Variants in GPBAR1 observed in about 807,000 individuals in gnomAD.
GPBAR1 encodes G-protein coupled bile acid receptor 1.
GPBAR1 carries 13 observed loss-of-function variants against 13.0 expected under a neutral mutation model. The ratio of observed to expected loss-of-function variants is 1.00; its 90% confidence interval spans 0.65 to 1.59. The LOEUF is 1.59. Ranked by LOEUF, GPBAR1 falls within the 40% of genes most tolerant of loss-of-function variation. The probability of loss-of-function intolerance (pLI) is 0.00; values close to 1 mark genes in which losing one functional copy is unlikely to be tolerated. For missense variants in GPBAR1, 398 were observed against 436.4 expected, an observed-to-expected ratio of 0.91 and a Z score of 0.78; for synonymous variants, 193 against 205.2, an observed-to-expected ratio of 0.94 and a Z score of 0.51.
chr2:218,259,784 C>T (rs112666439), upstream of GPBAR1: 2 of 152,372 alleles, frequency 1.3e-5, no homozygotes, highest in African/African-American at 4.8e-5. Context: ...GTCTCACCCC[C>T]AGTCCCAGCT....
chr2:218,263,609 C>T lies in GPBAR1; in HGVS notation c.885C>T (p.Ala295=). The T allele has an allele frequency of 1.2e-6, 2 of 1,612,848 alleles. No individual in the cohort carries two copies. The highest frequency in any genetic ancestry group is 1.7e-6 in the Non-Finnish European group (2 of 1,179,874). Reference sequence around the variant, plus strand: ...ACACAGCCCCCTGGAGGGCAGCCGCCCAAAGGTGCCTGCAGGGGCTGTGGG... The same window carrying T: ...ACACAGCCCCCTGGAGGGCAGCCGCTCAAAGGTGCCTGCAGGGGCTGTGGG... ...QRYTAPWRAA[A]QRCLQGLWGR... The change falls in exon 2 of 2, where the codon GCC becomes GCT. Residue 295 remains alanine, a synonymous_variant. Transcript: ENST00000519574. The surrounding 1 kb of genome is among the most constrained non-coding windows in gnomAD (Gnocchi z 4.2).
chr2:218,259,522 A>C (rs1690361880), upstream of GPBAR1: 1 of 152,464 alleles, frequency 6.6e-6, no homozygotes, highest in Non-Finnish European at 1.5e-5. Flanking sequence ...GGTTCTGAGG[A>C]CCGGCCCTGG....
rs1269304237 is a variant in GPBAR1, at chr2:218,262,651, A to G, written c.-45-29A>G. On this transcript the variant is annotated intron_variant, in intron 1 of 1. Coordinates refer to ENST00000519574, the MANE Select transcript of GPBAR1 (RefSeq NM_170699.3). This position sits in a 1 kb window ranked among gnomAD's most constrained non-coding sequence, Gnocchi z 5.1. ...CCAGGAGGACACGACCTGCAGCCCC[A>G]TCCTAACTCTGGCCACCCCATCCTG... The G allele has an allele frequency of 7.0e-7, 1 of 1,437,164 alleles. No individual in the cohort carries two copies. The highest frequency in any genetic ancestry group is 2.5e-5 in the East Asian group (1 of 40,502). 89.0% of individuals were successfully genotyped at this position (1,437,164 alleles called of 1,614,324 possible).
chr2:218,262,920 CTGGCAT>C lies in GPBAR1; in HGVS notation c.199_204del (p.Ala67_Leu68del), dbSNP rs753215679. The C allele has an allele frequency of 2.5e-6, 4 of 1,613,834 alleles. No homozygotes were observed. In the South Asian group the frequency reaches 4.4e-5, roughly 18 times the overall value. On this transcript the variant is annotated inframe_deletion, in exon 2 of 2. Transcript: ENST00000519574. The surrounding 1 kb of genome is among the most constrained non-coding windows in gnomAD (Gnocchi z 5.1). ...ACTGCTGGCTGGGCTGCTCACGGGT[CTGGCAT>C]TGCCCACATTGCCAGGGCTGTGGAA...
Position 218,263,566 on chromosome 2 carries a change from G to T in GPBAR1, c.842G>T (p.Gly281Val), listed in dbSNP as rs930201857. ...ASAAAVPVAM[G>V]LGDQRYTAPW... ...GCAGCGGCAGTGCCCGTAGCCATGG[G>T]GCTGGGCGATCAGCGCTACACAGCC... Residue 281 changes from glycine (G) to valine (V), a missense_variant, in exon 2 of 2, where the codon GGG (glycine) becomes GTG (valine). Transcript: ENST00000519574. The surrounding 1 kb of genome is among the most constrained non-coding windows in gnomAD (Gnocchi z 4.2). 1 of 1,612,526 alleles carries T rather than the reference G, an allele frequency of 6.2e-7. No individual in the cohort carries two copies. The highest frequency in any genetic ancestry group is 8.5e-7 in the Non-Finnish European group (1 of 1,179,740).
chr2:218,261,113 A>G lies in GPBAR1; in HGVS notation c.-149A>G, dbSNP rs1057158272. On this transcript the variant is annotated 5_prime_UTR_variant, in exon 1 of 2. Coordinates refer to ENST00000519574, the MANE Select transcript of GPBAR1 (RefSeq NM_170699.3). Reference sequence around the variant, plus strand: ...CTTGGTCCACTTGTGCTCTTCAGCCAGGACACCAGACATGGTCCAAACCGC... The same window carrying G: ...CTTGGTCCACTTGTGCTCTTCAGCCGGGACACCAGACATGGTCCAAACCGC... 2 of 152,274 alleles carry G rather than the reference A, an allele frequency of 1.3e-5. No homozygotes were observed. The highest frequency in any genetic ancestry group is 4.8e-5 in the African/African-American group (2 of 41,446). The allele number at this position is 152,274 out of a possible 1,614,324, so 9.4% of individuals were successfully genotyped here.
upstream of GPBAR1, chr2:218,259,732 C>T (rs1442245416): frequency 6.6e-6 from 1 of 152,340 alleles, no homozygotes; most frequent in African/African-American, 2.4e-5. Context: ...AGTCCCTTTG[C>T]TCCATTTACT....
upstream of GPBAR1, chr2:218,260,964 C>G (rs556383309): frequency 6.6e-6 from 1 of 152,296 alleles, no homozygotes; most frequent in Admixed American, 6.5e-5. Context: ...CCCACCCTCC[C>G]AGAGGCGGGG....
Position 218,263,775 on chromosome 2 carries a change from G to A in GPBAR1, c.*58G>A, listed in dbSNP as rs1690542760. ...TCCGTCCAGCTCAGCCATCCAGCCTGTCTCTACCGGGCCCCACTTCTCTGG... is the reference window on the plus strand; with the variant it reads ...TCCGTCCAGCTCAGCCATCCAGCCTATCTCTACCGGGCCCCACTTCTCTGG... On this transcript the variant is annotated 3_prime_UTR_variant, in exon 2 of 2. Coordinates refer to ENST00000519574, the MANE Select transcript of GPBAR1 (RefSeq NM_170699.3). The surrounding 1 kb of genome is among the most constrained non-coding windows in gnomAD (Gnocchi z 4.2). 1.9e-6 allele frequency: 3 copies of A among 1,601,378 alleles called. No homozygotes were observed. The highest frequency in any genetic ancestry group is 2.7e-5 in the African/African-American group (2 of 74,702).
chr2:218,263,829 G>C lies in GPBAR1; in HGVS notation c.*112G>C, dbSNP rs991602274. The C allele has an allele frequency of 7.9e-7, 1 of 1,261,188 alleles. No homozygotes were observed. Among genetic ancestry groups the C allele is most frequent in the Non-Finnish European group, 1.2e-6 (1 of 868,952 alleles). The allele number at this position is 1,261,188 out of a possible 1,614,324, so 78.1% of individuals were successfully genotyped here. ...AGAGACCCTGCCTCTGTTTGACCCC[G>C]CACTGACTGAATAAAGCTCCTCTGG... is the stretch of plus-strand genomic sequence containing the variant. On this transcript the variant is annotated 3_prime_UTR_variant, in exon 2 of 2. Coordinates refer to ENST00000519574, the MANE Select transcript of GPBAR1 (RefSeq NM_170699.3). This position sits in a 1 kb window ranked among gnomAD's most constrained non-coding sequence, Gnocchi z 4.2.
chr2:218,262,855 G>A lies in GPBAR1; in HGVS notation c.131G>A (p.Arg44His), dbSNP rs779995184. 8.1e-6 allele frequency: 13 copies of A among 1,613,578 alleles called. No individual in the cohort carries two copies. The highest frequency in any genetic ancestry group is 2.2e-5 in the East Asian group (1 of 44,880). ...GCCCTGGGCATCGCCTGGGACCGCCGCCTGCGCAGCCCACCTGCTGGCTGC... is the reference window on the plus strand; with the variant it reads ...GCCCTGGGCATCGCCTGGGACCGCCACCTGCGCAGCCCACCTGCTGGCTGC... ...LLALGIAWDR[R>H]LRSPPAGCFF... is the part of the protein sequence containing the mutation. The change falls in exon 2 of 2, where the codon CGC becomes CAC. Residue 44 changes from arginine (R) to histidine (H), a missense_variant. Transcript: ENST00000519574. This position sits in a 1 kb window ranked among gnomAD's most constrained non-coding sequence, Gnocchi z 5.1.
At chr2:218,260,271 T>A (rs1465229146), upstream of GPBAR1, 1 of 152,152 alleles carries the variant, frequency 6.6e-6, no homozygotes, top group African/African-American at 2.4e-5. Flanking sequence ...CTGGCTTTTT[T>A]AAAAAAGGAT....
upstream of GPBAR1, chr2:218,259,571 T>G (rs1260098241): frequency 2.0e-5 from 3 of 152,382 alleles, no homozygotes; most frequent in African/African-American, 7.2e-5. Context: ...CCCTCGAGGA[T>G]GGACTTGAGG....
chr2:218,261,381 G>A (rs1159639082), intron 1 of GPBAR1, among the ~76,000 whole-genome samples, 165 bp downstream of exon 1: 1 of 152,218 alleles, frequency 6.6e-6, no homozygotes, highest in Non-Finnish European at 1.5e-5. Context: ...TTCTAGTGGA[G>A]GTGGGTTGGG....
chr2:218,260,877 G>A (rs1690394066), upstream of GPBAR1: 1 of 152,204 alleles, frequency 6.6e-6, no homozygotes, highest in Non-Finnish European at 1.5e-5. Flanking sequence ...CTGCCACCTA[G>A]GTGGCAGGGG....
At chr2:218,261,795 G>A (rs554143069) in intron 1 of GPBAR1, among the ~76,000 whole-genome samples, 1 of 152,254 alleles carries the variant, frequency 6.6e-6, no homozygotes, top group African/African-American at 2.4e-5. Flanking sequence ...AGAAGCAGGA[G>A]TTCCCACAGG....
Position 218,263,546 on chromosome 2 carries a change from G to C in GPBAR1, c.822G>C (p.Ala274=). The C allele has an allele frequency of 1.2e-6, 2 of 1,612,286 alleles. No individual in the cohort carries two copies. The highest frequency in any genetic ancestry group is 1.7e-6 in the Non-Finnish European group (2 of 1,179,630). ...SLLSLGSASA[A]AVPVAMGLGD... ...TCTCCCTAGGAAGTGCCAGTGCAGC[G>C]GCAGTGCCCGTAGCCATGGGGCTGG... is the stretch of plus-strand genomic sequence containing the variant. The change falls in exon 2 of 2, where the codon GCG becomes GCC. Residue 274 remains alanine (A), a synonymous_variant. Transcript: ENST00000519574. The surrounding 1 kb of genome is among the most constrained non-coding windows in gnomAD (Gnocchi z 4.2).
chr2:218,263,681 A>C lies in GPBAR1; in HGVS notation c.957A>C (p.Pro319=), dbSNP rs1374507058. 1 of 1,612,888 alleles carries C rather than the reference A, an allele frequency of 6.2e-7. No homozygotes were observed. The highest frequency in any genetic ancestry group is 1.7e-5 in the Admixed American group (1 of 60,030). ...CCGGCCCCAGCATTGCCTACCACCC[A>C]AGCAGCCAAAGCAGTGTCGACCTGG... The part of the protein sequence containing the change: ...DSPGPSIAYH[P]SSQSSVDLDL... The change falls in exon 2 of 2, where the codon CCA becomes CCC. Residue 319 remains proline, a synonymous_variant. Transcript: ENST00000519574. The surrounding 1 kb of genome is among the most constrained non-coding windows in gnomAD (Gnocchi z 4.2).
In GPBAR1 at chr2:218,263,147, G is replaced by C; in HGVS notation, c.423G>C (p.Leu141=). Residue 141 remains leucine (L), a synonymous_variant, in exon 2 of 2, where the codon CTG becomes CTC. Coordinates refer to ENST00000519574, the MANE Select transcript of GPBAR1 (RefSeq NM_170699.3). The surrounding 1 kb of genome is among the most constrained non-coding windows in gnomAD (Gnocchi z 4.2). The part of the protein sequence containing the change: ...TWAGPLLFAS[L]PALGWNHWTP... ...CTGGTCCCCTGCTCTTTGCCAGTCT[G>C]CCCGCTCTGGGGTGGAACCACTGGA... The C allele has an allele frequency of 6.2e-7, 1 of 1,611,728 alleles. No individual in the cohort carries two copies. The highest frequency in any genetic ancestry group is 8.5e-7 in the Non-Finnish European group (1 of 1,179,846).
Sources: allele counts gnomAD v4.1 joint callset (sites outside exome capture counted in the v4.1 genomes callset), GRCh38; gene constraint gnomAD v4.1.1; non-coding constraint Gnocchi (gnomAD v3.1); transcripts MANE v1.5; gene names NCBI Gene and HGNC (gene_info 2026-07-23, HGNC 2026-07-21).